FAM117B: variants seen among roughly 807,000 people sequenced by gnomAD.
The protein encoded by FAM117B is family with sequence similarity 117 member B.
FAM117B carries 22 observed loss-of-function variants against 52.8 expected under a neutral mutation model. The observed-to-expected ratio is 0.42, with a 90% confidence interval of 0.30 to 0.59. FAM117B has a LOEUF of 0.59. Among genes scored for constraint, FAM117B ranks in the 20% least tolerant of loss-of-function variants. The pLI is 0.22. For synonymous variants in FAM117B, 309 were observed against 324.1 expected (o/e 0.95, Z 0.50); for missense variants, 678 against 802.6 (o/e 0.84, Z 1.88).
At chr2:202,688,979 T>C (rs537651987) in intron 1 of FAM117B, among the ~76,000 whole-genome samples, 1 of 152,340 alleles carries the variant, frequency 6.6e-6, no homozygotes, top group African/African-American at 2.4e-5. Context: ...GTATTAAACA[T>C]AGTGATGTGT....
At chr2:202,687,507 T>C (rs1690559931) in intron 1 of FAM117B, among the ~76,000 whole-genome samples, 1 of 152,190 alleles carries the variant, frequency 6.6e-6, no homozygotes, top group Admixed American at 6.5e-5. Context: ...CCTGCTGGGC[T>C]CAAGCAATAT....
At chr2:202,762,236 T>C (rs1691901163) in intron 7 of FAM117B, among the ~76,000 whole-genome samples, 6 of 152,108 alleles carry the variant, frequency 3.9e-5, no homozygotes, top group Admixed American at 3.9e-4. Context: ...TGACCTGAAC[T>C]GGGGGGTCGG....
chr2:202,742,506 C>A (rs1218306465), intron 4 of FAM117B, among the ~76,000 whole-genome samples: 1 of 152,040 alleles, frequency 6.6e-6, no homozygotes, highest in African/African-American at 2.4e-5. Flanking sequence ...AAGAATGAGA[C>A]CACACCATAT....
At chr2:202,721,928 C>T (rs796644612) in intron 2 of FAM117B, among the ~76,000 whole-genome samples, 5 of 151,942 alleles carry the variant, frequency 3.3e-5, no homozygotes, top group South Asian at 4.2e-4. Context: ...AAGCATGAGC[C>T]GCTGTGCCTG....
At chr2:202,711,818 G>A (rs1172078137) in intron 2 of FAM117B, among the ~76,000 whole-genome samples, 2 of 152,040 alleles carry the variant, frequency 1.3e-5, no homozygotes, top group Non-Finnish European at 2.9e-5. Flanking sequence ...CCCCATGTAT[G>A]TTCTTGGCAT....
At chr2:202,739,575 C>T (rs1196196926) in intron 4 of FAM117B, among the ~76,000 whole-genome samples, 3 of 151,788 alleles carry the variant, frequency 2.0e-5, no homozygotes, top group Non-Finnish European at 4.4e-5. Context: ...CCCACTTCAG[C>T]CTCCTAAGAA....
intron 1 of FAM117B, among the ~76,000 whole-genome samples, chr2:202,651,947 G>A (rs552099787): frequency 7.9e-5 from 12 of 151,690 alleles, no homozygotes; most frequent in Admixed American, 5.2e-4. Flanking sequence ...CAGCTGCTTG[G>A]GAGGCTGAGG....
At chr2:202,758,250 G>A (rs766238523) in intron 6 of FAM117B, among the ~76,000 whole-genome samples, 4 of 152,140 alleles carry the variant, frequency 2.6e-5, no homozygotes, top group South Asian at 2.1e-4. Flanking sequence ...TGTGACAAGC[G>A]CAGAAGACAG....
chr2:202,733,226 TAAAGATCACAAGGCAAAGGGCAAAGC>T (rs1276809811), intron 4 of FAM117B, among the ~76,000 whole-genome samples: 8 of 152,060 alleles, frequency 5.3e-5, no homozygotes, highest in East Asian at 1.9e-4. Flanking sequence ...TAAAGGGCAA[TAAAGATCACAAGGCAAAGGGCAAAGC>T]AAAGATCACA....
chr2:202,681,354 G>C (rs1042014044), intron 1 of FAM117B, among the ~76,000 whole-genome samples: 2 of 152,088 alleles, frequency 1.3e-5, no homozygotes, highest in Non-Finnish European at 2.9e-5. Flanking sequence ...AAAATACAGA[G>C]ATTATCAGAC....
chr2:202,751,324 A>T (rs1415788913), intron 4 of FAM117B, among the ~76,000 whole-genome samples: 1 of 152,162 alleles, frequency 6.6e-6, no homozygotes, highest in Non-Finnish European at 1.5e-5. Flanking sequence ...TTGATTTATG[A>T]CATTGATTGT....
intron 2 of FAM117B, among the ~76,000 whole-genome samples, chr2:202,723,426 C>G (rs1423687819): frequency 2.0e-5 from 3 of 152,112 alleles, no homozygotes; most frequent in Non-Finnish European, 4.4e-5. Flanking sequence ...CCACTGGTAC[C>G]AATTTTCTTT....
At chr2:202,650,963 A>C (rs989263262) in intron 1 of FAM117B, among the ~76,000 whole-genome samples, 8 of 152,184 alleles carry the variant, frequency 5.3e-5, no homozygotes, top group Admixed American at 5.2e-4. Flanking sequence ...AAACCCGGGA[A>C]CAATACTTTG....
chr2:202,662,089 C>T (rs557467597), intron 1 of FAM117B, among the ~76,000 whole-genome samples: 1 of 151,738 alleles, frequency 6.6e-6, no homozygotes, highest in Admixed American at 6.6e-5. Flanking sequence ...TGCCCAACCA[C>T]AGGTGAGTGG....
intron 1 of FAM117B, among the ~76,000 whole-genome samples, chr2:202,676,939 G>A (rs921703815): frequency 3.3e-5 from 5 of 152,056 alleles, no homozygotes; most frequent in African/African-American, 1.2e-4. Context: ...GTTGAAAAAC[G>A]GAGGAAGGAG....
At chr2:202,669,803 C>A (rs1454357342) in intron 1 of FAM117B, among the ~76,000 whole-genome samples, 1 of 152,040 alleles carries the variant, frequency 6.6e-6, no homozygotes, top group African/African-American at 2.4e-5. Flanking sequence ...TTTGCTTTAT[C>A]CAGTTTGTTG....
In FAM117B at chr2:202,710,523, A is replaced by G. The variant is rs1019350585; in HGVS notation, c.754-14394A>G. Among the ~76,000 whole-genome samples, 110 of 152,178 alleles carry G rather than the reference A, an allele frequency of 7.2e-4. 7 individuals carry two copies. Among genetic ancestry groups the G allele is most frequent in the Non-Finnish European group, 7.4e-5 (5 of 68,026 alleles). Reference sequence around the variant, plus strand: ...ATAATCACATCAGAGTAAATGAGATATCTATCACCTCAAGCATTTATAATT... The same window carrying G: ...ATAATCACATCAGAGTAAATGAGATGTCTATCACCTCAAGCATTTATAATT... On this transcript the variant is annotated intron_variant, in intron 2 of 7. Coordinates refer to ENST00000392238, the MANE Select transcript of FAM117B (RefSeq NM_173511.4).
chr2:202,726,744 A>T (rs1302455624), intron 4 of FAM117B, among the ~76,000 whole-genome samples: 1 of 151,918 alleles, frequency 6.6e-6, no homozygotes, highest in Non-Finnish European at 1.5e-5. Flanking sequence ...GAATAATAAT[A>T]CCTGTCTCGG....
At chr2:202,697,308 C>G (rs1454865756) in intron 2 of FAM117B, among the ~76,000 whole-genome samples, 2 of 152,162 alleles carry the variant, frequency 1.3e-5, no homozygotes, top group Non-Finnish European at 2.9e-5. Context: ...TTGTCTATTG[C>G]TGTATTTCCA....
Sources: allele counts gnomAD v4.1 joint callset (sites outside exome capture counted in the v4.1 genomes callset), GRCh38; gene constraint gnomAD v4.1.1; transcripts MANE v1.5; gene names NCBI Gene and HGNC (gene_info 2026-07-23, HGNC 2026-07-21).